Variants in NOX4 observed in about 807,000 individuals in gnomAD.
NOX4 encodes the protein kidney oxidase-1.
A neutral mutation model predicts 87.6 loss-of-function variants in NOX4; 69 were observed. That is an observed-to-expected ratio of 0.79 (90% CI 0.65 to 0.96). The LOEUF (loss-of-function observed/expected upper bound fraction) is 0.96, where lower values mean the gene tolerates loss of function less well. NOX4 is among the 40% of genes least tolerant of loss of function. The pLI, the probability that NOX4 is intolerant of heterozygous loss-of-function variation, is 0.00. For missense variants in NOX4, 680 were observed against 681.5 expected, an observed-to-expected ratio of 1.00 and a Z score of 0.02; for synonymous variants, 275 against 238.2, an observed-to-expected ratio of 1.15 and a Z score of -1.42.
chr11:89,490,229 A>G (rs1287808686), intron 2 of NOX4, among the ~76,000 whole-genome samples: 1 of 152,230 alleles, frequency 6.6e-6, no homozygotes, highest in Admixed American at 6.5e-5. Flanking sequence ...TGGCAGGTTC[A>G]TTCGTTTCAC....
chr11:89,374,031 G>A (rs1939653974), intron 11 of NOX4, among the ~76,000 whole-genome samples: 1 of 152,026 alleles, frequency 6.6e-6, no homozygotes, highest in African/African-American at 2.4e-5. Context: ...GGTAGCTGGG[G>A]AGAGGGATGA....
At chr11:89,441,914 C>T (rs1425357389) in intron 5 of NOX4, among the ~76,000 whole-genome samples, 2 of 145,926 alleles carry the variant, frequency 1.4e-5, no homozygotes, top group African/African-American at 5.0e-5. Context: ...CCATCTTTTT[C>T]AAAAGTGCTT....
intron 11 of NOX4, among the ~76,000 whole-genome samples, chr11:89,394,234 A>T (rs568906737): frequency 1.3e-5 from 2 of 152,254 alleles, no homozygotes; most frequent in East Asian, 3.9e-4. Context: ...AGAAAGTAAA[A>T]AAGTTTTCAG....
the NOX4 span, among the ~76,000 whole-genome samples, chr11:89,517,283 T>TTTCTTAAGG: frequency 6.6e-6 from 1 of 152,090 alleles, no homozygotes; most frequent in Non-Finnish European, 1.5e-5. Context: ...TCCTGCTATA[T>TTTCTTAAGG]TTCTTAAGGT....
chr11:89,581,029 A>T, the NOX4 span, among the ~76,000 whole-genome samples: 1 of 152,238 alleles, frequency 6.6e-6, no homozygotes, highest in Non-Finnish European at 1.5e-5. Context: ...AAATTCCTTA[A>T]GCACAAATAA....
intron 13 of NOX4, among the ~76,000 whole-genome samples, chr11:89,346,255 A>C (rs1431495699): frequency 6.6e-6 from 1 of 152,210 alleles, no homozygotes; most frequent in African/African-American, 2.4e-5. Flanking sequence ...TTTGATGTTT[A>C]TCTCTTGGAA....
At chr11:89,484,179 T>C (rs935111229) in intron 2 of NOX4, among the ~76,000 whole-genome samples, 6 of 152,134 alleles carry the variant, frequency 3.9e-5, no homozygotes, top group Non-Finnish European at 7.4e-5. Flanking sequence ...TTGAGATTCA[T>C]TCTAACTTCC....
intron 13 of NOX4, among the ~76,000 whole-genome samples, chr11:89,350,154 T>G (rs745606203): frequency 5.9e-5 from 9 of 152,214 alleles, no homozygotes; most frequent in Non-Finnish European, 1.3e-4. Context: ...CTGATGAGAA[T>G]GGATGCCCTG....
intron 7 of NOX4, among the ~76,000 whole-genome samples, chr11:89,422,795 A>ATTTTT (rs147956211): frequency 1.8e-5 from 2 of 110,988 alleles, no homozygotes; most frequent in South Asian, 3.2e-4. Flanking sequence ...CAAAGTTCTG[A>ATTTTT]TTTTTTTTTT....
chr11:89,326,828 A>G lies in NOX4; in HGVS notation c.1665T>C (p.Thr555=), dbSNP rs1312000692. 3.7e-6 allele frequency: 6 copies of G among 1,612,904 alleles called. No homozygotes were observed. The highest frequency in any genetic ancestry group is 5.1e-6 in the Non-Finnish European group (6 of 1,179,188). The change falls in exon 18 of 18, where the codon ACT becomes ACC. Residue 555 remains threonine, a synonymous_variant. Transcript: ENST00000263317. ...TGTTCTGGTTACTCAGTTTATGAAG[A>G]GTCTTGGATAGTGAATTGGGTCCAC... is the stretch of plus-strand genomic sequence containing the variant. ...FCCGPNSLSK[T]LHKLSNQNNS... is the part of the protein sequence containing the mutation.
At chr11:89,515,686 C>A in the NOX4 span, among the ~76,000 whole-genome samples, 40 of 151,934 alleles carry the variant, frequency 2.6e-4, no homozygotes, top group African/African-American at 9.6e-4. Context: ...ATAATTTTAG[C>A]ATATATACTT....
intron 8 of NOX4, among the ~76,000 whole-genome samples, chr11:89,408,267 A>C (rs1260396032): frequency 6.6e-6 from 1 of 152,200 alleles, no homozygotes; most frequent in African/African-American, 2.4e-5. Context: ...GACCAGAAGT[A>C]TATAAACAAC....
chr11:89,570,575 C>T, the NOX4 span, among the ~76,000 whole-genome samples: 2 of 152,162 alleles, frequency 1.3e-5, no homozygotes, highest in African/African-American at 4.8e-5. Flanking sequence ...TGGCTTATGA[C>T]TAATCCCAAC....
intron 2 of NOX4, among the ~76,000 whole-genome samples, chr11:89,453,657 T>G (rs1361202492): frequency 6.6e-6 from 1 of 152,184 alleles, no homozygotes; most frequent in African/African-American, 2.4e-5. Flanking sequence ...TTAAACCTCT[T>G]TCTGCAACCC....
At chr11:89,568,203 T>A in the NOX4 span, among the ~76,000 whole-genome samples, 815 of 151,514 alleles carry the variant, frequency 5.4e-3, 6 homozygotes, top group Non-Finnish European at 9.8e-3. Context: ...TTACAGCAAA[T>A]CAACCGGAAA....
At chr11:89,560,538 T>G in the NOX4 span, among the ~76,000 whole-genome samples, 1 of 152,048 alleles carries the variant, frequency 6.6e-6, no homozygotes, top group Non-Finnish European at 1.5e-5. Flanking sequence ...GAGGTATGTC[T>G]GTGAGGGTGT....
At chr11:89,506,427 T>C in the NOX4 span, among the ~76,000 whole-genome samples, 4 of 151,552 alleles carry the variant, frequency 2.6e-5, no homozygotes, top group African/African-American at 9.7e-5. Context: ...CATGCACAAA[T>C]ATTAACTCAA....
chr11:89,398,886 G>A (rs7927084), intron 11 of NOX4, among the ~76,000 whole-genome samples: 230 of 151,858 alleles, frequency 1.5e-3, no homozygotes, highest in African/African-American at 4.6e-3. Context: ...ACAGTAATAT[G>A]GAAAGATGTC....
chr11:89,554,039 T>C, the NOX4 span, among the ~76,000 whole-genome samples: 1 of 152,038 alleles, frequency 6.6e-6, no homozygotes, highest in Non-Finnish European at 1.5e-5. Flanking sequence ...GAGAAAGATA[T>C]TCCTGGATGA....
Sources: gnomAD v4.1 joint callset for allele counts (sites outside exome capture counted in the v4.1 genomes callset) on GRCh38, gnomAD v4.1.1 for gene constraint, MANE v1.5 for transcripts, NCBI Gene and HGNC (gene_info 2026-07-23, HGNC 2026-07-21) for gene names.